MARCHF1: variants seen among roughly 807,000 people sequenced by gnomAD.
The protein encoded by MARCHF1 is membrane associated ring-CH-type finger 1, also known as E3 ubiquitin-protein ligase MARCHF1.
In MARCHF1, 40 loss-of-function variants were observed where a neutral mutation model predicts 54.2. That is an observed-to-expected ratio of 0.74 (90% CI 0.57 to 0.96). MARCHF1 has a LOEUF of 0.96. MARCHF1 is among the 40% of genes least tolerant of loss of function. The pLI is 0.00. For missense variants in MARCHF1, 586 were observed against 656.5 expected (o/e 0.89, Z 1.17); for synonymous variants, 236 against 236.3 (o/e 1.00, Z 0.01).
chr4:164,068,807 A>C (rs1754788612), intron 2 of MARCHF1, among the ~76,000 whole-genome samples: 1 of 152,214 alleles, frequency 6.6e-6, no homozygotes. Flanking sequence ...GGGTGAAGCC[A>C]GCTGGGCCCC....
chr4:164,377,443 G>A (rs1480486415), intron 1 of MARCHF1, among the ~76,000 whole-genome samples: 1 of 152,184 alleles, frequency 6.6e-6, no homozygotes, highest in Non-Finnish European at 1.5e-5. Context: ...AGAGCCAACA[G>A]TTGGAAAAAT....
At chr4:163,764,963 CA>C (rs1746932533) in intron 4 of MARCHF1, among the ~76,000 whole-genome samples, 1 of 152,106 alleles carries the variant, frequency 6.6e-6, no homozygotes, top group Admixed American at 6.5e-5. Flanking sequence ...TATTCAGGCT[CA>C]TTACTTAATT....
intron 4 of MARCHF1, among the ~76,000 whole-genome samples, chr4:163,704,034 G>A (rs1455956587): frequency 1.3e-5 from 2 of 151,514 alleles, no homozygotes; most frequent in African/African-American, 4.8e-5. Flanking sequence ...GGACATGTGT[G>A]AATCTAGGTA....
At chr4:163,618,587 A>G (rs1013103027) in intron 5 of MARCHF1, among the ~76,000 whole-genome samples, 6 of 152,078 alleles carry the variant, frequency 3.9e-5, no homozygotes. Context: ...TAGCCAAACT[A>G]TCTGCACTCT....
At chr4:163,931,332 G>A (rs546711093) in intron 3 of MARCHF1, among the ~76,000 whole-genome samples, 2 of 152,252 alleles carry the variant, frequency 1.3e-5, no homozygotes, top group Non-Finnish European at 2.9e-5. Context: ...TTGAATGCAT[G>A]TATCTCCCCA....
At chr4:164,245,039 AC>A (rs1732899336) in intron 1 of MARCHF1, among the ~76,000 whole-genome samples, 1 of 152,146 alleles carries the variant, frequency 6.6e-6, no homozygotes, top group Non-Finnish European at 1.5e-5. Context: ...ACAAGGAGGA[AC>A]TGGTACCATT....
chr4:164,291,040 A>G (rs1044216431), intron 1 of MARCHF1, among the ~76,000 whole-genome samples: 2 of 151,938 alleles, frequency 1.3e-5, no homozygotes, highest in African/African-American at 4.8e-5. Context: ...ATTGTTTATT[A>G]TCTTTAAGTT....
At chr4:164,147,031 C>A (rs1448556663) in intron 1 of MARCHF1, among the ~76,000 whole-genome samples, 2 of 151,880 alleles carry the variant, frequency 1.3e-5, no homozygotes, top group African/African-American at 4.8e-5. Context: ...ACAGACACTT[C>A]TCAAAAGAAG....
chr4:164,100,812 G>A (rs994532946), intron 2 of MARCHF1, among the ~76,000 whole-genome samples: 4 of 152,198 alleles, frequency 2.6e-5, no homozygotes, highest in South Asian at 2.1e-4. Flanking sequence ...CTTGAGCTAC[G>A]CAGAAGACAG....
chr4:163,855,555 G>A lies in MARCHF1; in HGVS notation c.-38-1386C>T, dbSNP rs375782320. Among the ~76,000 whole-genome samples, 10 of 152,302 alleles carry A rather than the reference G, an allele frequency of 6.6e-5. 1 individual carries two copies. Among genetic ancestry groups the A allele is most frequent in the African/African-American group, 2.4e-4 (10 of 41,576 alleles). ...AAGTGTGCTAAGAGTAAATGAAAAT[G>A]AGGATCTTTATTCAAAGGCAAGGAG... On this transcript the variant is annotated intron_variant, in intron 3 of 9. Coordinates refer to ENST00000514618, the MANE Select transcript of MARCHF1 (RefSeq NM_001394959.1).
chr4:163,889,885 A>G (rs1579368908), intron 3 of MARCHF1, among the ~76,000 whole-genome samples: 1 of 150,302 alleles, frequency 6.7e-6, no homozygotes, highest in Non-Finnish European at 1.5e-5. Context: ...ATAAATGCAC[A>G]TACTATTTAT....
intron 3 of MARCHF1, among the ~76,000 whole-genome samples, chr4:163,912,555 G>A (rs1446951568): frequency 6.6e-6 from 1 of 152,080 alleles, no homozygotes; most frequent in Non-Finnish European, 1.5e-5. Context: ...CTTTTGAGTT[G>A]GATCTAAGCA....
intron 1 of MARCHF1, among the ~76,000 whole-genome samples, chr4:164,285,453 T>G (rs1274500912): frequency 2.0e-5 from 3 of 152,062 alleles, no homozygotes; most frequent in South Asian, 2.1e-4. Flanking sequence ...ATTTATTTAT[T>G]TATTTTTGAG....
At chr4:164,156,312 C>T (rs1406086706) in intron 1 of MARCHF1, among the ~76,000 whole-genome samples, 1 of 152,108 alleles carries the variant, frequency 6.6e-6, no homozygotes, top group Non-Finnish European at 1.5e-5. Context: ...TATATAGTCC[C>T]AAACTAGTAT....
intron 3 of MARCHF1, among the ~76,000 whole-genome samples, chr4:163,949,659 T>A (rs1752094176): frequency 1.3e-5 from 2 of 151,704 alleles, no homozygotes; most frequent in South Asian, 4.2e-4. Context: ...GTGGGTAGCT[T>A]CTCTCTCCAG....
At chr4:164,363,690 A>G (rs892599490) in intron 1 of MARCHF1, among the ~76,000 whole-genome samples, 3 of 152,076 alleles carry the variant, frequency 2.0e-5, no homozygotes, top group Admixed American at 2.0e-4. Context: ...TGAACCAGCA[A>G]ATCTGCTGTA....
intron 1 of MARCHF1, among the ~76,000 whole-genome samples, chr4:164,241,976 T>C (rs1732776860): frequency 6.6e-6 from 1 of 152,192 alleles, no homozygotes; most frequent in Non-Finnish European, 1.5e-5. Flanking sequence ...CGGAGGGTCC[T>C]ATGCCCACGG....
chr4:164,230,591 A>T (rs1224611290), intron 1 of MARCHF1, among the ~76,000 whole-genome samples: 1 of 152,000 alleles, frequency 6.6e-6, no homozygotes, highest in Admixed American at 6.6e-5. Flanking sequence ...AATTATTATT[A>T]CCTATAATCT....
At chr4:164,019,352 C>T (rs10026135) in intron 2 of MARCHF1, among the ~76,000 whole-genome samples, 130,951 of 152,162 alleles carry the variant, frequency 0.86, 56,633 homozygotes, top group Admixed American at 0.91. Flanking sequence ...CTTAATTCTT[C>T]CTTCTTTGAA....
Sources: allele counts gnomAD v4.1 joint callset (sites outside exome capture counted in the v4.1 genomes callset), GRCh38; gene constraint gnomAD v4.1.1; transcripts MANE v1.5; gene names NCBI Gene and HGNC (gene_info 2026-07-23, HGNC 2026-07-21).